Variants in RAPGEF4 observed in about 807,000 individuals in gnomAD.
RAPGEF4 encodes the protein RAP guanine-nucleotide-exchange factor (GEF) 4.
Under a neutral mutation model 147.9 loss-of-function variants are expected in RAPGEF4, and 66 were observed. That is an observed-to-expected ratio of 0.45 (90% CI 0.37 to 0.55). RAPGEF4 has a LOEUF of 0.55. Ranked by LOEUF, RAPGEF4 falls within the 20% of genes least tolerant of loss-of-function variation. RAPGEF4 has a pLI of 0.00. For synonymous variants in RAPGEF4, 419 were observed against 442.7 expected (o/e 0.95, Z 0.67); for missense variants, 1,071 against 1,257.3 (o/e 0.85, Z 2.24).
At chr2:173,009,108 C>T (rs143385885) in intron 17 of RAPGEF4, among the ~76,000 whole-genome samples, 1 of 152,252 alleles carries the variant, frequency 6.6e-6, no homozygotes, top group Non-Finnish European at 1.5e-5. Context: ...ATTAAATACC[C>T]AATAACTGAA....
At position 173,042,717 on chromosome 2, in the gene RAPGEF4, C is replaced by T. The variant is rs1043768362; in HGVS notation, c.2854-5883C>T. Among the ~76,000 whole-genome samples, 1 of 152,162 alleles carries T rather than the reference C, an allele frequency of 6.6e-6. No individual in the cohort carries two copies. Among genetic ancestry groups the T allele is most frequent in the Non-Finnish European group, 1.5e-5 (1 of 68,024 alleles). ...ATAAAAGATGACTTTCCCTTAGCCTCTGTTCCTAACCAGACATTATTCTGT... is the reference window on the plus strand; with the variant it reads ...ATAAAAGATGACTTTCCCTTAGCCTTTGTTCCTAACCAGACATTATTCTGT... On this transcript the variant is annotated intron_variant, in intron 29 of 30. Transcript: ENST00000397081. This position sits in a 1 kb window ranked among gnomAD's most constrained non-coding sequence, Gnocchi z 4.2.
At position 172,965,638 on chromosome 2, in the gene RAPGEF4, G is replaced by A. The variant is rs376497880; in HGVS notation, c.775G>A (p.Val259Ile). 5.6e-6 allele frequency: 9 copies of A among 1,614,050 alleles called. No homozygotes were observed. The African/African-American group carries it at 9.3e-5, about 17-fold the overall frequency. ...ATGTGTTCACTCCCGGACTCAAGCT[G>A]TTGGCATGTGGCAAGTCCTGTTAGA... ...TPCVHSRTQA[V>I]GMWQVLLEDG... Residue 259 changes from valine (V) to isoleucine (I), a missense_variant, in exon 9 of 31, where the codon GTT becomes ATT. Coordinates refer to ENST00000397081, the MANE Select transcript of RAPGEF4 (RefSeq NM_007023.4).
At chr2:172,988,919 T>G in intron 14 of RAPGEF4, 80 bp downstream of exon 14, 1 of 1,464,808 alleles carries the variant, frequency 6.8e-7, no homozygotes, top group Non-Finnish European at 9.4e-7. Flanking sequence ...AGCATAGTCT[T>G]AATTGAGTAG....
At chr2:172,880,292 G>A (rs748497677) in intron 4 of RAPGEF4, among the ~76,000 whole-genome samples, 28 of 152,236 alleles carry the variant, frequency 1.8e-4, no homozygotes, top group Non-Finnish European at 2.5e-4. Context: ...TAGAGCTCAC[G>A]CTCTATAAAA....
intron 12 of RAPGEF4, 66 bp from the exon 13 acceptor site, chr2:172,988,130 T>C (rs1475071059): frequency 3.3e-6 from 5 of 1,497,512 alleles, no homozygotes; most frequent in African/African-American, 1.4e-5. Context: ...GATGATTTGA[T>C]AAGCTGTAAT....
intron 1 of RAPGEF4, among the ~76,000 whole-genome samples, chr2:172,754,735 G>A (rs1271341087): frequency 6.6e-6 from 1 of 152,036 alleles, no homozygotes; most frequent in Non-Finnish European, 1.5e-5. Flanking sequence ...GAAATGTCAA[G>A]TTAAAGCTTT....
At chr2:172,798,161 C>T (rs1026570793) in intron 3 of RAPGEF4, among the ~76,000 whole-genome samples, 1 of 151,956 alleles carries the variant, frequency 6.6e-6, no homozygotes, top group African/African-American at 2.4e-5. Context: ...AAGTACAGCA[C>T]TGGCTTTATT....
chr2:172,891,160 G>A (rs549293734), intron 4 of RAPGEF4, among the ~76,000 whole-genome samples: 1 of 152,092 alleles, frequency 6.6e-6, no homozygotes, highest in African/African-American at 2.4e-5. Flanking sequence ...TTTCAAGATG[G>A]TAACAGCACA....
chr2:172,809,804 A>G (rs2149590831), intron 3 of RAPGEF4, among the ~76,000 whole-genome samples: 1 of 152,304 alleles, frequency 6.6e-6, no homozygotes, highest in Non-Finnish European at 1.5e-5. Context: ...AAGTGCTGGT[A>G]TAACAGGAAT....
chr2:172,746,748 G>T (rs936645026), intron 1 of RAPGEF4, among the ~76,000 whole-genome samples: 6 of 152,024 alleles, frequency 3.9e-5, no homozygotes, highest in African/African-American at 7.2e-5. Context: ...CAGTAGCTGG[G>T]ATTACAGATG....
rs138878726 is a variant in RAPGEF4, at chr2:173,013,668, T to A, written c.1659-796T>A. ...CTCTTGGCACATAGGAGACTCTCAATCAGTACTTGTTGCATTAATGAATAA... is the reference window on the plus strand; with the variant it reads ...CTCTTGGCACATAGGAGACTCTCAAACAGTACTTGTTGCATTAATGAATAA... On this transcript the variant is annotated intron_variant, in intron 17 of 30. Transcript: ENST00000397081. Among the ~76,000 whole-genome samples the A allele has an allele frequency of 5.9e-4, 90 of 152,296 alleles. No homozygotes were observed. In the East Asian group the frequency reaches 0.016, roughly 27 times the overall value.
At chr2:172,818,206 G>A (rs571706491) in intron 4 of RAPGEF4, among the ~76,000 whole-genome samples, 84 of 151,888 alleles carry the variant, frequency 5.5e-4, no homozygotes, top group African/African-American at 1.8e-3. Context: ...GAGGGGTGAA[G>A]GATAAAAGAC....
intron 10 of RAPGEF4, among the ~76,000 whole-genome samples, chr2:172,976,634 T>G (rs1249993965): frequency 1.1e-4 from 16 of 152,198 alleles, no homozygotes; most frequent in Admixed American, 1.0e-3. Context: ...TGTTTTCCCC[T>G]TGTACCAAGG....
At chr2:172,820,918 A>G (rs1007961320) in intron 4 of RAPGEF4, among the ~76,000 whole-genome samples, 4 of 152,214 alleles carry the variant, frequency 2.6e-5, no homozygotes, top group African/African-American at 9.7e-5. Flanking sequence ...AAATAGGGGA[A>G]AATCCCTTTT....
rs374955316 is a variant in RAPGEF4 at position 172,789,990 on chromosome 2, T to G, written c.66-5035T>G. 1.3e-4 allele frequency among the ~76,000 whole-genome samples: 20 copies of G among 152,354 alleles called. No individual in the cohort carries two copies. In the East Asian group the frequency reaches 2.5e-3, roughly 19 times the overall value. On this transcript the variant is annotated intron_variant, in intron 1 of 30. Transcript: ENST00000397081. ...TCAGATAAATACCCAGAAGTGAGAT[T>G]GCTGGATGAATGGTAGTTCTATTTT... is the stretch of plus-strand genomic sequence containing the variant.
At position 172,797,626 on chromosome 2, in the gene RAPGEF4, A is replaced by T. The variant is rs6433382; in HGVS notation, c.297+13A>T. 1.3e-6 allele frequency: 2 copies of T among 1,591,276 alleles called. No homozygotes were observed. Among genetic ancestry groups the T allele is most frequent in the Non-Finnish European group, 1.7e-6 (2 of 1,162,336 alleles). On this transcript the variant is annotated intron_variant, in intron 3 of 30. Coordinates refer to ENST00000397081, the MANE Select transcript of RAPGEF4 (RefSeq NM_007023.4). ...CAGCAGTCACCAGGTAATATGGTCT[A>T]TTTTTTTGAAAGTAGGATTTATTTT...
intron 15 of RAPGEF4, among the ~76,000 whole-genome samples, chr2:172,995,531 C>T (rs1334664428): frequency 2.0e-5 from 3 of 152,252 alleles, no homozygotes; most frequent in Admixed American, 6.5e-5. Context: ...CCGCCCGCCT[C>T]GGCCTCCCAA....
intron 4 of RAPGEF4, among the ~76,000 whole-genome samples, chr2:172,914,909 T>G (rs1217584971): frequency 6.6e-6 from 1 of 152,268 alleles, no homozygotes; most frequent in African/African-American, 2.4e-5. Context: ...TTTTCTTTTA[T>G]GAACTGCTTT....
At chr2:172,804,998 G>A (rs4972860) in intron 3 of RAPGEF4, among the ~76,000 whole-genome samples, 2 of 152,296 alleles carry the variant, frequency 1.3e-5, no homozygotes, top group South Asian at 4.1e-4. Context: ...GTGAGTTGCA[G>A]GCTGACTGGG....
Sources: gnomAD v4.1 joint callset for allele counts (sites outside exome capture counted in the v4.1 genomes callset) on GRCh38, gnomAD v4.1.1 for gene constraint, Gnocchi (gnomAD v3.1) non-coding constraint, MANE v1.5 for transcripts, NCBI Gene and HGNC (gene_info 2026-07-23, HGNC 2026-07-21) for gene names.